PCDHA9: variants seen among roughly 807,000 people sequenced by gnomAD.
PCDHA9 encodes protocadherin alpha 9.
PCDHA9 carries 62 observed loss-of-function variants against 62.0 expected under a neutral mutation model. The observed-to-expected ratio is 1.00, with a 90% CI of 0.81 to 1.23. The LOEUF (loss-of-function observed/expected upper bound fraction) is 1.23, where lower values mean the gene tolerates loss of function less well. Among genes scored for constraint, PCDHA9 ranks in the 50% most tolerant of loss-of-function variants. The pLI, the probability that PCDHA9 is intolerant of heterozygous loss-of-function variation, is 0.00. For synonymous variants in PCDHA9, 557 were observed against 567.6 expected (o/e 0.98, Z 0.27); for missense variants, 1,205 against 1,249.8 (o/e 0.96, Z 0.54).
At chr5:140,880,231 A>G (rs2058275588) in intron 1 of PCDHA9, among the ~76,000 whole-genome samples, 1 of 152,266 alleles carries the variant, frequency 6.6e-6, no homozygotes, top group South Asian at 2.1e-4. Context: ...CATTTAAATT[A>G]GTGTATGTGC....
chr5:140,986,793 G>A lies in PCDHA9; in HGVS notation c.2542+4230G>A, dbSNP rs945707149. 6.6e-5 allele frequency among the ~76,000 whole-genome samples: 10 copies of A among 152,312 alleles called. No homozygotes were observed. In the East Asian group the frequency reaches 1.7e-3, roughly 26 times the overall value. ...TTAGGTAGCGGAAGCCACTAAGGCA[G>A]TGAGTCTTAGTTAGAGAACTTTGGT... On this transcript the variant is annotated intron_variant, in intron 3 of 3. Coordinates refer to ENST00000532602, the MANE Select transcript of PCDHA9 (RefSeq NM_031857.2).
At chr5:140,948,903 CTTAGGTAACTGA>C (rs1213410342) in intron 1 of PCDHA9, among the ~76,000 whole-genome samples, 1 of 151,196 alleles carries the variant, frequency 6.6e-6, no homozygotes, top group Non-Finnish European at 1.5e-5. Context: ...TAAGTGGATT[CTTAGGTAACTGA>C]TTAGGTAACT....
intron 1 of PCDHA9, among the ~76,000 whole-genome samples, chr5:140,916,064 T>G (rs1282899200): frequency 1.3e-5 from 2 of 152,156 alleles, no homozygotes; most frequent in African/African-American, 4.8e-5. Flanking sequence ...CCTCTCCCTG[T>G]GGCCAGTACT....
chr5:140,858,618 C>T (rs781842612), intron 1 of PCDHA9: 2 of 1,160,992 alleles, frequency 1.7e-6, no homozygotes, highest in South Asian at 1.6e-5. Context: ...TTTTATCCTA[C>T]CCAGTGTGTC....
At chr5:140,875,268 A>G (rs1484025646) in intron 1 of PCDHA9, 4 of 1,218,994 alleles carry the variant, frequency 3.3e-6, no homozygotes, top group Non-Finnish European at 4.4e-6. Context: ...GTCGCTCTAC[A>G]CTCAGAAGGT....
chr5:140,968,506 G>T (rs781902536), intron 1 of PCDHA9: 2 of 1,614,176 alleles, frequency 1.2e-6, no homozygotes, highest in South Asian at 2.2e-5. Context: ...CTCACATTCT[G>T]TACCCTACCT....
At chr5:140,875,934 A>T (rs782270710) in intron 1 of PCDHA9, 1 of 1,614,178 alleles carries the variant, frequency 6.2e-7, no homozygotes, top group Admixed American at 1.7e-5. Context: ...ATTTTCCTCT[A>T]GAGGGCGCTT....
chr5:140,863,082 G>A (rs1424614073), intron 1 of PCDHA9: 2 of 572,800 alleles, frequency 3.5e-6, no homozygotes, highest in Non-Finnish European at 6.9e-6. Flanking sequence ...GCACGGGCGA[G>A]ATCAGCACGA....
Position 141,002,911 on chromosome 5 carries a change from G to C in PCDHA9, c.2543-6716G>C, listed in dbSNP as rs565172510. Among the ~76,000 whole-genome samples the C allele has an allele frequency of 3.3e-5, 5 of 152,330 alleles. No homozygotes were observed. The South Asian group carries it at 1.0e-3, about 32-fold the overall frequency. On this transcript the variant is annotated intron_variant, in intron 3 of 3. Transcript: ENST00000532602. ...ACAAAGCAAGATGAAGAGAAGATCA[G>C]AAAAGTGAACACCCTCCAACACCCT...
intron 3 of PCDHA9, among the ~76,000 whole-genome samples, chr5:140,989,551 C>T (rs964653534): frequency 2.0e-5 from 3 of 152,178 alleles, no homozygotes; most frequent in African/African-American, 4.8e-5. Flanking sequence ...AATTCCTTTA[C>T]GTTTTGTGGC....
chr5:140,861,090 T>C (rs1449145259), intron 1 of PCDHA9: 1 of 152,308 alleles, frequency 6.6e-6, no homozygotes, highest in African/African-American at 2.4e-5. Flanking sequence ...GAAGCTCCAT[T>C]GTTCCTGTAC....
chr5:140,870,399 T>C, intron 1 of PCDHA9: 1 of 1,614,196 alleles, frequency 6.2e-7, no homozygotes, highest in Non-Finnish European at 8.5e-7. Flanking sequence ...GGGGTTCGCC[T>C]TCTCTGTGGG....
chr5:140,926,181 C>T (rs1298109352), intron 1 of PCDHA9, among the ~76,000 whole-genome samples: 7 of 151,718 alleles, frequency 4.6e-5, no homozygotes, highest in Admixed American at 2.6e-4. Context: ...GCGGAAAGCC[C>T]CCCGCAGCAC....
intron 3 of PCDHA9, among the ~76,000 whole-genome samples, chr5:141,000,477 G>C (rs1191359491): frequency 1.5e-5 from 2 of 132,058 alleles, no homozygotes; most frequent in African/African-American, 5.8e-5. Context: ...GCCCAAGCTG[G>C]AGTGCAATGG....
rs369162861 is a variant in PCDHA9 at position 140,870,379 on chromosome 5, G to T, written c.2394+19490G>T. ...GTGGGCCTATGAACTGGTGGTGACT[G>T]CGCGGGATGGGGGTTCGCCTTCTCT... On this transcript the variant is annotated intron_variant, in intron 1 of 3. Coordinates refer to ENST00000532602, the MANE Select transcript of PCDHA9 (RefSeq NM_031857.2). The T allele has an allele frequency of 8.1e-6, 13 of 1,614,100 alleles. No homozygotes were observed. In the African/African-American group the frequency reaches 1.7e-4, roughly 22 times the overall value.
At position 140,857,244 on chromosome 5, in the gene PCDHA9, C is replaced by T. The variant is rs192745808; in HGVS notation, c.2394+6355C>T. On this transcript the variant is annotated intron_variant, in intron 1 of 3. Coordinates refer to ENST00000532602, the MANE Select transcript of PCDHA9 (RefSeq NM_031857.2). ...CACGTTCCGTTCAAGCTGGTGTCCA[C>T]CTACAAGAATTACTACTCATTGGTG... 5 of 1,598,592 alleles carry T rather than the reference C, an allele frequency of 3.1e-6. 1 individual carries two copies. In the African/African-American group the frequency reaches 6.7e-5, roughly 21 times the overall value.
chr5:140,862,757 GC>G (rs1554156930), intron 1 of PCDHA9: 4 of 579,248 alleles, frequency 6.9e-6, no homozygotes, highest in African/African-American at 1.9e-5. Flanking sequence ...GCGGAGAGCG[GC>G]AAGAGGTACG....
At chr5:140,876,292 A>G in intron 1 of PCDHA9, 1 of 1,614,080 alleles carries the variant, frequency 6.2e-7, no homozygotes, top group Non-Finnish European at 8.5e-7. Context: ...CGAAGGACTT[A>G]ATGGAGAAAT....
chr5:140,896,227 A>G (rs1332090647), intron 1 of PCDHA9, among the ~76,000 whole-genome samples: 1 of 152,230 alleles, frequency 6.6e-6, no homozygotes, highest in Non-Finnish European at 1.5e-5. Flanking sequence ...TCTTTATAGT[A>G]GAATGACTTA....
Sources: gnomAD v4.1 joint callset for allele counts (sites outside exome capture counted in the v4.1 genomes callset) on GRCh38, gnomAD v4.1.1 for gene constraint, MANE v1.5 for transcripts, NCBI Gene and HGNC (gene_info 2026-07-23, HGNC 2026-07-21) for gene names.